The following PLGRKT variants were observed in gnomAD, a reference collection of about 807,000 sequenced individuals.
PLGRKT encodes plasminogen receptor (KT).
PLGRKT carries 22 observed loss-of-function variants against 18.5 expected under a neutral mutation model. That is an observed-to-expected ratio of 1.19 (90% CI 0.85 to 1.70). The LOEUF is 1.70. Ranked by LOEUF, PLGRKT falls within the 40% of genes most tolerant of loss-of-function variation. The probability of loss-of-function intolerance (pLI) is 0.00; values close to 1 mark genes in which losing one functional copy is unlikely to be tolerated. For missense variants in PLGRKT, 235 were observed against 174.4 expected, an observed-to-expected ratio of 1.35 and a Z score of -1.96; for synonymous variants, 72 against 52.8, an observed-to-expected ratio of 1.36 and a Z score of -1.58.
chr9:5,397,211 G>A (rs1455649843), intron 3 of PLGRKT, among the ~76,000 whole-genome samples: 4 of 151,836 alleles, frequency 2.6e-5, no homozygotes, highest in African/African-American at 9.7e-5. Flanking sequence ...ATTAGGAAAT[G>A]AGCTCATGGA....
chr9:5,434,314 G>GGGC (rs1818911088), intron 2 of PLGRKT, among the ~76,000 whole-genome samples: 1 of 145,350 alleles, frequency 6.9e-6, no homozygotes, highest in South Asian at 2.2e-4. Context: ...TCTGGGAAGT[G>GGGC]GGCGCCTCTG....
At chr9:5,360,322 A>G (rs993670638) in intron 5 of PLGRKT, among the ~76,000 whole-genome samples, 1 of 152,134 alleles carries the variant, frequency 6.6e-6, no homozygotes, top group Non-Finnish European at 1.5e-5. Context: ...AGGTTGGCAA[A>G]CTGTCTTAAA....
chr9:5,415,419 C>T (rs1012715402), intron 3 of PLGRKT, among the ~76,000 whole-genome samples: 2 of 152,084 alleles, frequency 1.3e-5, no homozygotes, highest in Non-Finnish European at 2.9e-5. Flanking sequence ...ATTAGGCAAA[C>T]CTCAGAGTAA....
rs117712111 is a variant in PLGRKT at position 5,384,639 on chromosome 9, G to T, written c.82-22751C>A. On this transcript the variant is annotated intron_variant, in intron 3 of 5. Coordinates refer to ENST00000223864, the MANE Select transcript of PLGRKT (RefSeq NM_018465.4). ...GGAAGAGAAGTCAAACTACACAGAGGTAAGATAAAGGAAGAATGACCATGT... is the reference window on the plus strand; with the variant it reads ...GGAAGAGAAGTCAAACTACACAGAGTTAAGATAAAGGAAGAATGACCATGT... 6.7e-3 allele frequency among the ~76,000 whole-genome samples: 1,020 copies of T among 152,148 alleles called. 5 individuals carry two copies. The highest frequency in any genetic ancestry group is 0.01 in the Non-Finnish European group (700 of 67,978).
Position 5,418,855 on chromosome 9 carries a change from G to A in PLGRKT, c.81+13042C>T, listed in dbSNP as rs764634708. 48 of 1,061,896 alleles carry A rather than the reference G, an allele frequency of 4.5e-5. No homozygotes were observed. Among genetic ancestry groups the A allele is most frequent in the South Asian group, 3.1e-4 (24 of 78,374 alleles). 65.8% of individuals were successfully genotyped at this position (1,061,896 alleles called of 1,614,324 possible). The stretch of plus-strand genomic sequence containing the variant: ...TCGCACATCCTTCTGGCTGGTCCTC[G>A]TCTGCTGGAGGCAAACTGAACAGCA... On this transcript the variant is annotated intron_variant, in intron 3 of 5. Coordinates refer to ENST00000223864, the MANE Select transcript of PLGRKT (RefSeq NM_018465.4). This position sits in a 1 kb window ranked among gnomAD's most constrained non-coding sequence, Gnocchi z 4.2.
chr9:5,403,054 A>T lies in PLGRKT; in HGVS notation c.81+28843T>A, dbSNP rs377403921. 5.3e-5 allele frequency among the ~76,000 whole-genome samples: 8 copies of T among 151,942 alleles called. No individual in the cohort carries two copies. In the East Asian group the frequency reaches 1.5e-3, roughly 29 times the overall value. On this transcript the variant is annotated intron_variant, in intron 3 of 5. Coordinates refer to ENST00000223864, the MANE Select transcript of PLGRKT (RefSeq NM_018465.4). Reference sequence around the variant, plus strand: ...ATAGGTAGTGGAAGGCTGGGTAGAAATAAGGTTTATTTTGCTGCATTTAAT... The same window carrying T: ...ATAGGTAGTGGAAGGCTGGGTAGAATTAAGGTTTATTTTGCTGCATTTAAT...
At position 5,364,067 on chromosome 9, in the gene PLGRKT, T is replaced by C. The variant is rs542215299; in HGVS notation, c.82-2179A>G. 1.5e-3 allele frequency among the ~76,000 whole-genome samples: 225 copies of C among 152,222 alleles called. 2 individuals carry two copies. The highest frequency in any genetic ancestry group is 0.011 in the South Asian group (51 of 4,820). ...TTATCAAAAGGCAGCAAACAAGAAA[T>C]AGAGGAGTCCAGACTGGTTCTAAAC... On this transcript the variant is annotated intron_variant, in intron 3 of 5. Transcript: ENST00000223864.
At chr9:5,389,027 G>C (rs777424551) in intron 3 of PLGRKT, among the ~76,000 whole-genome samples, 26 of 151,930 alleles carry the variant, frequency 1.7e-4, no homozygotes, top group Non-Finnish European at 3.2e-4. Context: ...ATGTACCATG[G>C]GGAACTGTGG....
chr9:5,389,719 T>C (rs1372678293), intron 3 of PLGRKT, among the ~76,000 whole-genome samples: 2 of 151,780 alleles, frequency 1.3e-5, no homozygotes, highest in African/African-American at 4.9e-5. Flanking sequence ...AATAAGTTCA[T>C]GAAGAAAACA....
chr9:5,418,558 G>A lies in PLGRKT; in HGVS notation c.81+13339C>T, dbSNP rs2131156025. 1.6e-5 allele frequency: 13 copies of A among 817,006 alleles called. No homozygotes were observed. The South Asian group carries it at 1.6e-4, about 10-fold the overall frequency. 50.6% of individuals were successfully genotyped at this position (817,006 alleles called of 1,614,324 possible). A position where few individuals can be genotyped will look rare whatever the true frequency, so the allele number is the denominator to read the frequency against. On this transcript the variant is annotated intron_variant, in intron 3 of 5. Transcript: ENST00000223864. This position sits in a 1 kb window ranked among gnomAD's most constrained non-coding sequence, Gnocchi z 4.2. ...CCCCTGGGGAGCCCTGCCTTGCAGA[G>A]GCTGCTGTCCAGCAGGGATGGTCAC...
At chr9:5,378,565 G>A (rs1351673245) in intron 3 of PLGRKT, among the ~76,000 whole-genome samples, 2 of 152,216 alleles carry the variant, frequency 1.3e-5, no homozygotes, top group Admixed American at 1.3e-4. Flanking sequence ...ATCCTTAAGT[G>A]GGGTTAGTGA....
At chr9:5,430,436 C>G (rs1017919785) in intron 3 of PLGRKT, among the ~76,000 whole-genome samples, 1 of 152,102 alleles carries the variant, frequency 6.6e-6, no homozygotes, top group African/African-American at 2.4e-5. Context: ...GTTTCATTGT[C>G]CCCAAAGAGA....
chr9:5,396,715 G>A (rs556523669), intron 3 of PLGRKT, among the ~76,000 whole-genome samples: 1 of 151,812 alleles, frequency 6.6e-6, no homozygotes, highest in East Asian at 1.9e-4. Context: ...TTTTAAGAAG[G>A]GCAAAAACCT....
At position 5,358,371 on chromosome 9, in the gene PLGRKT, G is replaced by A. The variant is rs771200477; in HGVS notation, c.323-11C>T. ...TGTCCTCAGCTTCACCTTAAATAAA[G>A]TACAGAAATACACAAGGTGACAAAG... is the stretch of plus-strand genomic sequence containing the variant. On this transcript the variant is annotated splice_polypyrimidine_tract_variant and intron_variant, in intron 5 of 5. Transcript: ENST00000223864. 1 of 1,611,804 alleles carries A rather than the reference G, an allele frequency of 6.2e-7. No homozygotes were observed. Among genetic ancestry groups the A allele is most frequent in the Non-Finnish European group, 8.5e-7 (1 of 1,178,760 alleles).
At position 5,419,167 on chromosome 9, in the gene PLGRKT, T is replaced by C. The variant is rs887257900; in HGVS notation, c.81+12730A>G. Among the ~76,000 whole-genome samples the C allele has an allele frequency of 4.6e-5, 7 of 152,142 alleles. No individual in the cohort carries two copies. In the East Asian group the frequency reaches 1.2e-3, roughly 25 times the overall value. On this transcript the variant is annotated intron_variant, in intron 3 of 5. Coordinates refer to ENST00000223864, the MANE Select transcript of PLGRKT (RefSeq NM_018465.4). ...AGCTCAGAGCCAGCAGCGGGGCACATCTTCTTTCAAAACACCCAGGAATAC... is the reference window on the plus strand; with the variant it reads ...AGCTCAGAGCCAGCAGCGGGGCACACCTTCTTTCAAAACACCCAGGAATAC...
chr9:5,411,384 C>CAAA (rs78144379), intron 3 of PLGRKT, among the ~76,000 whole-genome samples: 2 of 122,456 alleles, frequency 1.6e-5, no homozygotes, highest in Admixed American at 8.2e-5. Flanking sequence ...GACCCTGTTT[C>CAAA]AAAAAAAAAA....
intron 3 of PLGRKT, chr9:5,381,981 C>G: frequency 1.0e-6 from 1 of 985,310 alleles, no homozygotes; most frequent in African/African-American, 1.7e-5. Flanking sequence ...AGGCACTCCT[C>G]CCCTGGCTTG....
intron 3 of PLGRKT, among the ~76,000 whole-genome samples, chr9:5,412,246 C>T (rs1200241935): frequency 2.0e-5 from 3 of 151,970 alleles, no homozygotes; most frequent in South Asian, 2.1e-4. Context: ...ACAAGGTAGC[C>T]GTCTGAAAAA....
intron 3 of PLGRKT, among the ~76,000 whole-genome samples, chr9:5,419,320 C>A (rs1482752464): frequency 6.6e-6 from 1 of 152,230 alleles, no homozygotes; most frequent in Admixed American, 6.5e-5. Flanking sequence ...TCACTCCATT[C>A]TGAGCATGAT....
Sources: gnomAD v4.1 joint callset for allele counts (sites outside exome capture counted in the v4.1 genomes callset) on GRCh38, gnomAD v4.1.1 for gene constraint, Gnocchi (gnomAD v3.1) non-coding constraint, MANE v1.5 for transcripts, NCBI Gene and HGNC (gene_info 2026-07-23, HGNC 2026-07-21) for gene names.